The following CUX1 variants were observed in gnomAD, a reference collection of about 807,000 sequenced individuals.
The protein encoded by CUX1 is cut like homeobox 1, also known as protein CASP.
Under a neutral mutation model 158.8 loss-of-function variants are expected in CUX1, and 31 were observed. The ratio of observed to expected loss-of-function variants is 0.20; its 90% CI spans 0.15 to 0.26. CUX1 has a LOEUF of 0.26. Ranked by LOEUF, CUX1 falls within the 10% of genes least tolerant of loss-of-function variation. The pLI, the probability that CUX1 is intolerant of heterozygous loss-of-function variation, is 1.00. For missense variants in CUX1, 1,589 were observed against 2,014.6 expected, an observed-to-expected ratio of 0.79 and a Z score of 4.04; for synonymous variants, 879 against 862.1, an observed-to-expected ratio of 1.02 and a Z score of -0.34.
Position 102,200,059 on chromosome 7 carries a change from T to C in CUX1, c.1961-12T>C, listed in dbSNP as rs782143605. The C allele has an allele frequency of 5.0e-6, 8 of 1,597,992 alleles. No homozygotes were observed. Among genetic ancestry groups the C allele is most frequent in the South Asian group, 2.3e-5 (2 of 88,328 alleles). ...TTGGGTTTGATGTCATTGGCGCAAC[T>C]TCTCCCCACAGGTAACATCACCACC... On this transcript the variant is annotated splice_polypyrimidine_tract_variant and intron_variant, in intron 16 of 23. Coordinates refer to ENST00000292535, the MANE Select transcript of CUX1 (RefSeq NM_181552.4).
At chr7:101,821,054 G>A (rs985175291) in intron 1 of CUX1, among the ~76,000 whole-genome samples, 1 of 152,124 alleles carries the variant, frequency 6.6e-6, no homozygotes, top group African/African-American at 2.4e-5. Flanking sequence ...TGTGTGTGCC[G>A]ATAATGGAGT....
intron 2 of CUX1, among the ~76,000 whole-genome samples, chr7:101,935,575 TGGCATG>T (rs1208480309): frequency 6.6e-6 from 1 of 152,182 alleles, no homozygotes; most frequent in Non-Finnish European, 1.5e-5. Flanking sequence ...CTGGGGAGGT[TGGCATG>T]GTATCCACCA....
chr7:102,269,783 T>C (rs1791083480), intron 14 of CUX1, among the ~76,000 whole-genome samples: 2 of 151,698 alleles, frequency 1.3e-5, no homozygotes, highest in African/African-American at 2.4e-5. Context: ...CTCTAAGAAG[T>C]TCCAAACTTT....
chr7:102,081,869 G>A (rs570779226), intron 4 of CUX1, among the ~76,000 whole-genome samples: 1 of 146,526 alleles, frequency 6.8e-6, no homozygotes, highest in Admixed American at 6.9e-5. Flanking sequence ...CGGGTGATGC[G>A]TCCGCCTCCG....
At chr7:101,979,056 C>T (rs1813084833) in intron 2 of CUX1, among the ~76,000 whole-genome samples, 1 of 152,198 alleles carries the variant, frequency 6.6e-6, no homozygotes, top group Non-Finnish European at 1.5e-5. Flanking sequence ...CGCCTGGTGC[C>T]TGCCCTACCT....
intron 21 of CUX1, among the ~76,000 whole-genome samples, chr7:102,282,547 A>G (rs1421979078): frequency 6.6e-6 from 1 of 152,036 alleles, no homozygotes; most frequent in Non-Finnish European, 1.5e-5. Flanking sequence ...GGCCCATCTG[A>G]TCATCTGCAG....
downstream of CUX1, among the ~76,000 whole-genome samples, chr7:102,263,074 C>T (rs10245356): frequency 0.64 from 93,018 of 145,178 alleles, 29,651 homozygotes; most frequent in East Asian, 0.8. Flanking sequence ...AGTGCAGTGG[C>T]GTGATCTCGG....
At chr7:101,821,507 T>C (rs1278390685) in intron 1 of CUX1, among the ~76,000 whole-genome samples, 1 of 149,798 alleles carries the variant, frequency 6.7e-6, no homozygotes, top group Non-Finnish European at 1.5e-5. Flanking sequence ...CCTGGCTAAT[T>C]TTTTGTATTT....
rs919609039 is a variant in CUX1, at chr7:102,205,901, G to T, written c.3130+731G>T. ...TCTGCGCCCCCCCGCCTCCCTTCTCGTGCGCCAATCCCACACTTGGAGCTG... is the reference window on the plus strand; with the variant it reads ...TCTGCGCCCCCCCGCCTCCCTTCTCTTGCGCCAATCCCACACTTGGAGCTG... On this transcript the variant is annotated intron_variant, in intron 20 of 23. Coordinates refer to ENST00000292535, the MANE Select transcript of CUX1 (RefSeq NM_181552.4). Among the ~76,000 whole-genome samples the T allele has an allele frequency of 3.9e-5, 6 of 151,998 alleles. No individual in the cohort carries two copies. The East Asian group carries it at 5.8e-4, about 15-fold the overall frequency.
At chr7:101,824,172 C>T (rs900929597) in intron 1 of CUX1, among the ~76,000 whole-genome samples, 1 of 152,236 alleles carries the variant, frequency 6.6e-6, no homozygotes, top group Admixed American at 6.5e-5. Context: ...ACCGCAACCT[C>T]CACCTCCCAG....
chr7:102,227,620 C>T lies in CUX1; in HGVS notation c.3384C>T (p.Thr1128=). 1 of 1,613,844 alleles carries T rather than the reference C, an allele frequency of 6.2e-7. No homozygotes were observed. Among genetic ancestry groups the T allele is most frequent in the Non-Finnish European group, 8.5e-7 (1 of 1,180,004 alleles). ...ELVAMSPELD[T]YGITKRVKEV... is the part of the protein sequence containing the mutation. The stretch of plus-strand genomic sequence containing the variant: ...TAGCCATGTCCCCGGAGCTGGACAC[C>T]TACGGCATAACCAAGCGGGTGAAGG... The change falls in exon 21 of 24, where the codon ACC becomes ACT. Residue 1128 remains threonine, a synonymous_variant. Transcript: ENST00000292535.
chr7:102,022,624 A>AAAAG (rs1183043303), intron 2 of CUX1, among the ~76,000 whole-genome samples: 1 of 151,506 alleles, frequency 6.6e-6, no homozygotes, highest in African/African-American at 2.4e-5. Context: ...AAAAAAAAAA[A>AAAAG]AAAAGAAAAG....
chr7:102,199,931 CAGGCCACTGGG>C, intron 16 of CUX1, 129 bp from the exon 17 acceptor site: 1 of 609,394 alleles, frequency 1.6e-6, no homozygotes, highest in Non-Finnish European at 2.9e-6. Context: ...ACAGCAAACA[CAGGCCACTGGG>C]AGGCCACATC....
At chr7:102,193,720 G>A (rs973806689) in intron 12 of CUX1, 122 bp from the exon 13 acceptor site, 44 of 931,524 alleles carry the variant, frequency 4.7e-5, no homozygotes, top group African/African-American at 8.2e-5. Flanking sequence ...TAGGAGAATC[G>A]CTTGAACCTG....
intron 21 of CUX1, among the ~76,000 whole-genome samples, chr7:102,233,324 T>TG (rs1799193105): frequency 6.6e-6 from 1 of 151,866 alleles, no homozygotes; most frequent in African/African-American, 2.4e-5. Flanking sequence ...TAGCTGGAAC[T>TG]ATAGGTACAT....
intron 8 of CUX1, among the ~76,000 whole-genome samples, chr7:102,136,338 C>A (rs1351755045): frequency 2.0e-5 from 3 of 151,794 alleles, no homozygotes; most frequent in African/African-American, 7.3e-5. Flanking sequence ...AAAACAACAA[C>A]CTTTAGTATT....
intron 1 of CUX1, among the ~76,000 whole-genome samples, chr7:101,840,813 T>C (rs763175318): frequency 6.6e-6 from 1 of 152,186 alleles, no homozygotes; most frequent in Non-Finnish European, 1.5e-5. Flanking sequence ...GACTTTAGAA[T>C]GGTGGCTGGG....
rs1487060487 is a variant in CUX1, at chr7:102,185,606, T to G, written c.1018-4207T>G. Among the ~76,000 whole-genome samples, 3 of 151,260 alleles carry G rather than the reference T, an allele frequency of 2.0e-5. No homozygotes were observed. In the East Asian group the frequency reaches 5.8e-4, roughly 29 times the overall value. ...AGCTAATGTTTTGGGGTTTTTTTTTTGTTTTTTTTTTTTGGTAGAGACGGG... is the reference window on the plus strand; with the variant it reads ...AGCTAATGTTTTGGGGTTTTTTTTTGGTTTTTTTTTTTTGGTAGAGACGGG... On this transcript the variant is annotated intron_variant, in intron 11 of 23. Transcript: ENST00000292535.
At chr7:102,102,264 CT>C (rs1406050352) in intron 5 of CUX1, among the ~76,000 whole-genome samples, 1 of 150,694 alleles carries the variant, frequency 6.6e-6, no homozygotes, top group Non-Finnish European at 1.5e-5. Context: ...ACAAAAGAGC[CT>C]TTCACACAAA....
Sources: allele counts gnomAD v4.1 joint callset (sites outside exome capture counted in the v4.1 genomes callset), GRCh38; gene constraint gnomAD v4.1.1; transcripts MANE v1.5; gene names NCBI Gene and HGNC (gene_info 2026-07-23, HGNC 2026-07-21).